ZNF831: variants seen among roughly 807,000 people sequenced by gnomAD.
ZNF831 encodes the protein zinc finger protein 831.
A neutral mutation model predicts 95.8 loss-of-function variants in ZNF831; 59 were observed. The ratio of observed to expected loss-of-function variants is 0.62; its 90% CI spans 0.50 to 0.77. The LOEUF (loss-of-function observed/expected upper bound fraction) is 0.77, where lower values mean the gene tolerates loss of function less well. Among genes scored for constraint, ZNF831 ranks in the 30% least tolerant of loss-of-function variants. The pLI is 0.00. For synonymous variants in ZNF831, 961 were observed against 925.5 expected (o/e 1.04, Z -0.70); for missense variants, 2,205 against 2,164.0 (o/e 1.02, Z -0.38).
intron 1 of ZNF831, among the ~76,000 whole-genome samples, chr20:59,123,701 C>T (rs572655186): frequency 2.8e-5 from 4 of 143,556 alleles, no homozygotes; most frequent in African/African-American, 1.0e-4. Flanking sequence ...GGAGGTGACT[C>T]GATGACAGGG....
At position 59,196,236 on chromosome 20, in the gene ZNF831, T is replaced by C. The variant is rs116311720; in HGVS notation, c.3875+231T>C. 4.6e-3 allele frequency among the ~76,000 whole-genome samples: 704 copies of C among 152,306 alleles called. 3 individuals are homozygous for C. The highest frequency in any genetic ancestry group is 0.016 in the African/African-American group (680 of 41,550). On this transcript the variant is annotated intron_variant, in intron 3 of 5. Transcript: ENST00000371030. ...CCAGCAAATCTTTGAAATAACTGGG[T>C]TGAAAACACATCCATTCAACTTAAG...
chr20:59,254,005 C>T lies in ZNF831; in HGVS notation c.4296C>T (p.Asp1432=), dbSNP rs757757308. The T allele has an allele frequency of 5.3e-5, 86 of 1,613,900 alleles. No individual in the cohort carries two copies. The highest frequency in any genetic ancestry group is 2.4e-4 in the South Asian group (22 of 91,078). ...QSDTCLAVVN[D]VPLPPGKGLD... is the part of the protein sequence containing the mutation. Reference sequence around the variant, plus strand: ...ACACCTGCCTGGCAGTGGTTAATGACGTGCCTCTACCCCCTGGCAAAGGTC... The same window carrying T: ...ACACCTGCCTGGCAGTGGTTAATGATGTGCCTCTACCCCCTGGCAAAGGTC... The change falls in exon 6 of 6, where the codon GAC becomes GAT. Residue 1432 remains aspartate (D), a synonymous_variant. Transcript: ENST00000371030. The surrounding 1 kb of genome is among the most constrained non-coding windows in gnomAD (Gnocchi z 4.5).
chr20:59,132,051 C>T (rs1979365241), intron 1 of ZNF831, among the ~76,000 whole-genome samples: 1 of 152,252 alleles, frequency 6.6e-6, no homozygotes, highest in Non-Finnish European at 1.5e-5. Flanking sequence ...TTTGGTGTCT[C>T]ACTGTGCACA....
chr20:59,141,453 A>G (rs996174714), intron 1 of ZNF831, among the ~76,000 whole-genome samples: 9 of 152,228 alleles, frequency 5.9e-5, no homozygotes, highest in African/African-American at 2.2e-4. Context: ...CATTTGCTCC[A>G]GCACCGTTTG....
intron 1 of ZNF831, among the ~76,000 whole-genome samples, chr20:59,134,968 G>A (rs1568721604): frequency 6.6e-6 from 1 of 151,642 alleles, no homozygotes; most frequent in African/African-American, 2.4e-5. Flanking sequence ...CTCCAAGATG[G>A]AAAAAAAACC....
chr20:59,226,883 A>G (rs185017837), intron 4 of ZNF831, among the ~76,000 whole-genome samples: 294 of 152,180 alleles, frequency 1.9e-3, no homozygotes, highest in African/African-American at 6.7e-3. Context: ...TCCTTTTAGA[A>G]TCCAAGTACA....
In ZNF831 at chr20:59,195,878, C is replaced by G; in HGVS notation, c.3748C>G (p.Pro1250Ala). 1 of 1,612,758 alleles carries G rather than the reference C, an allele frequency of 6.2e-7. No individual in the cohort carries two copies. The change falls in exon 3 of 6, where the codon CCA (proline) becomes GCA (alanine). Residue 1250 changes from proline to alanine, a missense_variant. By Grantham distance (27) the Pro-to-Ala change is conservative (BLOSUM62 -1). Transcript: ENST00000371030. ...GPAQMSKFSY[P>A]TVPGVMPQHQ... ...TGCTTGGTGTTTTCAGTTCTCCTACCCAACAGTCCCAGGGGTGATGCCCCA... is the reference window on the plus strand; with the variant it reads ...TGCTTGGTGTTTTCAGTTCTCCTACGCAACAGTCCCAGGGGTGATGCCCCA...
In ZNF831 at chr20:59,232,717, T is replaced by G. The variant is rs567810106; in HGVS notation, c.4028-20261T>G. The stretch of plus-strand genomic sequence containing the variant: ...TCTATTTTGTACCCCACACAGTGTT[T>G]TAGGTGTTGGAAAAACTGATGATCA... On this transcript the variant is annotated intron_variant, in intron 4 of 5. Transcript: ENST00000371030. 2.6e-5 allele frequency among the ~76,000 whole-genome samples: 4 copies of G among 152,248 alleles called. No individual in the cohort carries two copies. In the East Asian group the frequency reaches 5.8e-4, roughly 22 times the overall value.
intron 1 of ZNF831, among the ~76,000 whole-genome samples, chr20:59,132,272 T>A: frequency 6.7e-6 from 1 of 149,076 alleles, no homozygotes; most frequent in South Asian, 2.1e-4. Context: ...AAGTTTCTTC[T>A]TGTTGGAGGT....
At chr20:59,224,940 G>A (rs1361466350) in intron 4 of ZNF831, among the ~76,000 whole-genome samples, 3 of 150,808 alleles carry the variant, frequency 2.0e-5, no homozygotes, top group Non-Finnish European at 4.4e-5. Flanking sequence ...GGATTTGTAG[G>A]GTTTTTAAAT....
At chr20:59,129,996 G>T (rs777096542) in intron 1 of ZNF831, among the ~76,000 whole-genome samples, 2 of 152,300 alleles carry the variant, frequency 1.3e-5, no homozygotes, top group Admixed American at 1.3e-4. Flanking sequence ...CCTGATGGAC[G>T]TTGGACCAGA....
chr20:59,133,681 A>G (rs967904240), intron 1 of ZNF831, among the ~76,000 whole-genome samples: 3 of 152,192 alleles, frequency 2.0e-5, no homozygotes, highest in Non-Finnish European at 4.4e-5. Flanking sequence ...GAAGAAGCAC[A>G]TGCTGGAGTC....
intron 1 of ZNF831, among the ~76,000 whole-genome samples, chr20:59,186,311 G>C (rs778806523): frequency 6.6e-6 from 1 of 152,200 alleles, no homozygotes; most frequent in Non-Finnish European, 1.5e-5. Context: ...TCCCTTGCTA[G>C]AGGCGATGCA....
chr20:59,251,075 A>G (rs2146751688), intron 4 of ZNF831, among the ~76,000 whole-genome samples: 1 of 152,330 alleles, frequency 6.6e-6, no homozygotes, highest in South Asian at 2.1e-4. Context: ...AAAAAAAGAT[A>G]AGCCTATGGG....
upstream of ZNF831, among the ~76,000 whole-genome samples, chr20:59,163,483 A>C (rs577327374): frequency 6.6e-6 from 1 of 152,342 alleles, no homozygotes; most frequent in East Asian, 1.9e-4. Context: ...GGAAATGCTC[A>C]TTCTGGGCCC....
At chr20:59,221,192 C>G (rs555512723) in intron 4 of ZNF831, among the ~76,000 whole-genome samples, 138 of 152,302 alleles carry the variant, frequency 9.1e-4, no homozygotes, top group African/African-American at 3.1e-3. Flanking sequence ...AAGACGTCTT[C>G]AAGCCAAAGG....
chr20:59,252,991 AGAG>A lies in ZNF831; in HGVS notation c.4045_4047del (p.Glu1349del). 6.2e-7 allele frequency: 1 copy of A among 1,613,886 alleles called. No homozygotes were observed. Among genetic ancestry groups the A allele is most frequent in the Non-Finnish European group, 8.5e-7 (1 of 1,179,854 alleles). ...CTCCCCTTGCAGGTCTGAATCTGCA[AGAG>A]GAGCCATCTTGTGCCACCTCAGAAT... On this transcript the variant is annotated inframe_deletion, in exon 5 of 6. Coordinates refer to ENST00000371030, the MANE Select transcript of ZNF831 (RefSeq NM_178457.3).
chr20:59,145,268 T>C (rs551219069), intron 1 of ZNF831, among the ~76,000 whole-genome samples: 19 of 152,316 alleles, frequency 1.2e-4, no homozygotes, highest in Non-Finnish European at 2.2e-4. Context: ...CACGTTACCA[T>C]TGGGCTGAGG....
chr20:59,191,767 G>A lies in ZNF831; in HGVS notation c.748G>A (p.Ala250Thr), dbSNP rs777385517. The A allele has an allele frequency of 3.7e-6, 6 of 1,610,036 alleles. No individual in the cohort carries two copies. The highest frequency in any genetic ancestry group is 3.3e-5 in the South Asian group (3 of 90,864). ...CTCGGAGAGACCCCTTTCTCCGGGT[G>A]CCCACGTGCCCCTACTTGCCAAGAA... ...GASERPLSPG[A>T]HVPLLAKNLD... Residue 250 changes from alanine to threonine, a missense_variant, in exon 2 of 6, where the codon GCC becomes ACC. By Grantham distance (58) the Ala-to-Thr change is moderately conservative. Coordinates refer to ENST00000371030, the MANE Select transcript of ZNF831 (RefSeq NM_178457.3).
Sources: gnomAD v4.1 joint callset for allele counts (sites outside exome capture counted in the v4.1 genomes callset) on GRCh38, gnomAD v4.1.1 for gene constraint, Gnocchi (gnomAD v3.1) non-coding constraint, MANE v1.5 for transcripts, NCBI Gene and HGNC (gene_info 2026-07-23, HGNC 2026-07-21) for gene names.